PFKL: variants seen among roughly 807,000 people sequenced by gnomAD.
The protein encoded by PFKL is ATP-dependent 6-phosphofructokinase, liver type.
Under a neutral mutation model 92.1 loss-of-function variants are expected in PFKL, and 74 were observed. The observed-to-expected ratio is 0.80, with a 90% confidence interval of 0.67 to 0.97. The LOEUF (loss-of-function observed/expected upper bound fraction) is 0.97, where lower values mean the gene tolerates loss of function less well. Ranked by LOEUF, PFKL falls within the 50% of genes least tolerant of loss-of-function variation. PFKL has a pLI of 0.00. For synonymous variants in PFKL, 494 were observed against 456.4 expected, an observed-to-expected ratio of 1.08 and a Z score of -1.05; for missense variants, 1,028 against 1,116.6, an observed-to-expected ratio of 0.92 and a Z score of 1.13.
intron 14 of PFKL, 56 bp from the exon 15 acceptor site, chr21:44,322,906 T>G: frequency 1.5e-6 from 2 of 1,313,402 alleles, no homozygotes; most frequent in Non-Finnish European, 2.2e-6. Context: ...TCAGATGCAA[T>G]CTGGACACGC....
chr21:44,321,887 CG>C lies in PFKL; in HGVS notation c.1338+16del, dbSNP rs2047364899. On this transcript the variant is annotated intron_variant, in intron 13 of 21. Transcript: ENST00000349048. ...TAGCCAAGGGTCAGGTGGGTCCGGC[CG>C]GGGCAAACAAGTGAGGACTTGGGCC... 6.6e-7 allele frequency: 1 copy of C among 1,521,936 alleles called. No homozygotes were observed. Among genetic ancestry groups the C allele is most frequent in the African/African-American group, 1.4e-5 (1 of 71,968 alleles). The allele number at this position is 1,521,936 out of a possible 1,614,324, so 94.3% of individuals were successfully genotyped here.
chr21:44,311,974 C>T (rs924685476), intron 3 of PFKL, 131 bp from the exon 4 acceptor site: 15 of 670,478 alleles, frequency 2.2e-5, no homozygotes, highest in East Asian at 6.9e-5. Flanking sequence ...CCAGAGACCC[C>T]GGGGCTTCTG....
intron 1 of PFKL, among the ~76,000 whole-genome samples, chr21:44,301,853 G>A (rs1211301289): frequency 2.0e-5 from 3 of 152,108 alleles, no homozygotes; most frequent in Admixed American, 1.3e-4. Context: ...TTGAGAGCCT[G>A]GGGTGGCACG....
At chr21:44,319,683 C>T in intron 11 of PFKL, 1 of 563,658 alleles carries the variant, frequency 1.8e-6, no homozygotes, top group Non-Finnish European at 3.2e-6. Context: ...GGATACAAGC[C>T]CAGGACATGG....
chr21:44,319,288 G>T lies in PFKL; in HGVS notation c.1063-63G>T. On this transcript the variant is annotated intron_variant, in intron 10 of 21. Transcript: ENST00000349048. ...GCCCTCGTCAGGCCCACCAGACAGG[G>T]CAGTAGCCATGGGTGTGCGGGCCAG... is the stretch of plus-strand genomic sequence containing the variant. 5.7e-6 allele frequency: 8 copies of T among 1,413,878 alleles called. No homozygotes were observed. The South Asian group carries it at 6.9e-5, about 12-fold the overall frequency. 87.6% of individuals were successfully genotyped at this position (1,413,878 alleles called of 1,614,324 possible).
At chr21:44,303,441 A>AAAAAAAAAAACTTGATCG (rs1555874963) in intron 1 of PFKL, among the ~76,000 whole-genome samples, 5 of 97,096 alleles carry the variant, frequency 5.1e-5, no homozygotes, top group African/African-American at 2.1e-4. Context: ...ACCAAAAAAA[A>AAAAAAAAAAACTTGATCG]AAAAAAAAAA....
intron 10 of PFKL, among the ~76,000 whole-genome samples, 176 bp downstream of exon 10, chr21:44,318,771 G>C (rs2047280353): frequency 6.6e-6 from 1 of 152,172 alleles, no homozygotes; most frequent in Non-Finnish European, 1.5e-5. Context: ...ACATCCCTGG[G>C]TGGGACGTGG....
intron 11 of PFKL, 54 bp downstream of exon 11, chr21:44,319,469 G>A: frequency 6.9e-7 from 1 of 1,456,596 alleles, no homozygotes; most frequent in South Asian, 1.1e-5. Flanking sequence ...CCCGGTGCCA[G>A]GCAGCATGTG....
At position 44,324,663 on chromosome 21, in the gene PFKL, C is replaced by T. The variant is rs1284066468; in HGVS notation, c.1815+8C>T. On this transcript the variant is annotated splice_region_variant and intron_variant, in intron 17 of 21. Transcript: ENST00000349048. ...AACATCCACGACTTAAAGGTGAGCC[C>T]AGCCCAGCCCCTGCTGCGGCAGACC... The T allele has an allele frequency of 1.9e-6, 3 of 1,572,276 alleles. No homozygotes were observed. The highest frequency in any genetic ancestry group is 2.6e-6 in the Non-Finnish European group (3 of 1,156,774).
In PFKL at chr21:44,313,279, C is replaced by A. The variant is rs544994386; in HGVS notation, c.593+136C>A. ...AGCATCCAGGCCAGCCGCCCTCAGC[C>A]CCCAGCTGGGGGAACGCACAGCGGG... On this transcript the variant is annotated intron_variant, in intron 5 of 21. Coordinates refer to ENST00000349048, the MANE Select transcript of PFKL (RefSeq NM_002626.6). 425 of 1,008,100 alleles carry A rather than the reference C, an allele frequency of 4.2e-4. 1 individual carries two copies. The African/African-American group carries it at 5.8e-3, about 14-fold the overall frequency. The allele number at this position is 1,008,100 out of a possible 1,614,324, so 62.4% of individuals were successfully genotyped here. A position where few individuals can be genotyped will look rare whatever the true frequency, so the allele number is the denominator to read the frequency against.
chr21:44,325,100 G>A (rs1020518596), intron 18 of PFKL, 53 bp from the exon 19 acceptor site: 82 of 1,355,740 alleles, frequency 6.0e-5, no homozygotes, highest in South Asian at 2.2e-4. Flanking sequence ...ACTCAGGATC[G>A]GGGGGAGACC....
At position 44,300,133 on chromosome 21, in the gene PFKL, C is replaced by T; in HGVS notation, c.28C>T (p.Arg10Trp). 8.4e-7 allele frequency: 1 copy of T among 1,187,956 alleles called. No homozygotes were observed. The highest frequency in any genetic ancestry group is 1.1e-6 in the Non-Finnish European group (1 of 943,440). 73.6% of individuals were successfully genotyped at this position (1,187,956 alleles called of 1,614,324 possible). The change falls in exon 1 of 22, where the codon CGG (arginine) becomes TGG (tryptophan). Residue 10 changes from arginine (R) to tryptophan (W), a missense_variant. Arg to Trp is a moderately radical substitution (Grantham distance 101). Coordinates refer to ENST00000349048, the MANE Select transcript of PFKL (RefSeq NM_002626.6). ...GGCCGCGGTGGACCTGGAGAAGCTG[C>T]GGGCGTCGGGCGCGGGCAAGGCCAT... is the stretch of plus-strand genomic sequence containing the variant. MAAVDLEKLRASGAGKAIGV... is the reference protein window; with the variant it reads MAAVDLEKLWASGAGKAIGV...
At chr21:44,324,441 C>T in intron 16 of PFKL, 50 bp from the exon 17 acceptor site, 2 of 1,599,204 alleles carry the variant, frequency 1.3e-6, no homozygotes, top group Non-Finnish European at 1.7e-6. Flanking sequence ...CGACGGCCTA[C>T]AGGGAAGGGT....
rs769830106 is a variant in PFKL, at chr21:44,316,229, G to A, written c.748-15G>A. On this transcript the variant is annotated splice_polypyrimidine_tract_variant and intron_variant, in intron 7 of 21. Coordinates refer to ENST00000349048, the MANE Select transcript of PFKL (RefSeq NM_002626.6). Reference sequence around the variant, plus strand: ...CCCTGCCTGGCAGCTGAGCCCTGTCGTGTCTTTGACCCAGACTCGGAGCCG... The same window carrying A: ...CCCTGCCTGGCAGCTGAGCCCTGTCATGTCTTTGACCCAGACTCGGAGCCG... The A allele has an allele frequency of 3.8e-5, 61 of 1,611,850 alleles. No individual in the cohort carries two copies. Among genetic ancestry groups the A allele is most frequent in the South Asian group, 3.0e-4 (27 of 91,056 alleles).
Position 44,311,090 on chromosome 21 carries a change from C to G in PFKL, c.237+7C>G, listed in dbSNP as rs1191821060. The G allele has an allele frequency of 3.7e-6, 6 of 1,610,470 alleles. No homozygotes were observed. Among genetic ancestry groups the G allele is most frequent in the Middle Eastern group, 1.6e-4 (1 of 6,062 alleles). ...CTCCAACATCATCCAGCTGGTGAGGCCTGGGAACGCGGATGCATGTTGCAC... is the reference window on the plus strand; with the variant it reads ...CTCCAACATCATCCAGCTGGTGAGGGCTGGGAACGCGGATGCATGTTGCAC... On this transcript the variant is annotated splice_region_variant and intron_variant, in intron 3 of 21. Transcript: ENST00000349048.
At chr21:44,322,871 C>A in intron 14 of PFKL, 91 bp from the exon 15 acceptor site, 1 of 862,488 alleles carries the variant, frequency 1.2e-6, no homozygotes, top group Non-Finnish European at 1.8e-6. Context: ...GCTCGGGGAA[C>A]GGCCAAGGCA....
At chr21:44,319,705 G>A (rs200721966) in intron 11 of PFKL, 18 of 540,748 alleles carry the variant, frequency 3.3e-5, no homozygotes, top group East Asian at 6.2e-5. Flanking sequence ...GTGGCCCCGC[G>A]GGGGCTGGGA....
At chr21:44,318,975 G>T (rs1469967219) in intron 10 of PFKL, among the ~76,000 whole-genome samples, 1 of 152,164 alleles carries the variant, frequency 6.6e-6, no homozygotes, top group Non-Finnish European at 1.5e-5. Flanking sequence ...GGGAACACTG[G>T]GGTGGCTGGA....
intron 1 of PFKL, among the ~76,000 whole-genome samples, chr21:44,303,440 A>AAAAAAAAAAAAAAGACTTGATCG (rs2040832979): frequency 1.5e-5 from 1 of 68,714 alleles, no homozygotes; most frequent in Admixed American, 1.5e-4. Context: ...GACCAAAAAA[A>AAAAAAAAAAAAAAGACTTGATCG]AAAAAAAAAA....
Sources: gnomAD v4.1 joint callset for allele counts (sites outside exome capture counted in the v4.1 genomes callset) on GRCh38, gnomAD v4.1.1 for gene constraint, MANE v1.5 for transcripts, NCBI Gene and HGNC (gene_info 2026-07-23, HGNC 2026-07-21) for gene names.